Variants in GRAMD1C observed in about 807,000 individuals in gnomAD.
GRAMD1C encodes GRAM domain containing 1C.
A neutral mutation model predicts 97.8 loss-of-function variants in GRAMD1C; 89 were observed. That is an observed-to-expected ratio of 0.91 (90% CI 0.77 to 1.09). The LOEUF is 1.09. Among genes scored for constraint, GRAMD1C ranks in the 50% least tolerant of loss-of-function variants. The pLI, the probability that GRAMD1C is intolerant of heterozygous loss-of-function variation, is 0.00. For missense variants in GRAMD1C, 740 were observed against 766.4 expected, an observed-to-expected ratio of 0.97 and a Z score of 0.41; for synonymous variants, 256 against 267.0, an observed-to-expected ratio of 0.96 and a Z score of 0.40.
chr3:113,829,116 A>G (rs1219894945), intron 1 of GRAMD1C, among the ~76,000 whole-genome samples: 1 of 152,152 alleles, frequency 6.6e-6, no homozygotes, highest in Non-Finnish European at 1.5e-5. Context: ...GACTTAGCGT[A>G]CTTGCCTGGT....
chr3:113,924,005 G>T (rs2107353865), intron 10 of GRAMD1C, among the ~76,000 whole-genome samples: 1 of 151,126 alleles, frequency 6.6e-6, no homozygotes, highest in East Asian at 1.9e-4. Flanking sequence ...GCTCAATCTT[G>T]GGAGGTTTTA....
intron 6 of GRAMD1C, among the ~76,000 whole-genome samples, chr3:113,900,282 C>G (rs1016035609): frequency 2.6e-5 from 4 of 151,338 alleles, no homozygotes; most frequent in Admixed American, 2.6e-4. Flanking sequence ...TCGCTTGAAC[C>G]TGGGAGGTGA....
At chr3:113,937,001 C>T (rs1937590251) in intron 14 of GRAMD1C, 1 of 152,512 alleles carries the variant, frequency 6.6e-6, no homozygotes, top group African/African-American at 2.4e-5. Context: ...GCCCCCATCA[C>T]AATCACCACC....
chr3:113,888,888 C>A (rs898256925), intron 6 of GRAMD1C, among the ~76,000 whole-genome samples: 5 of 152,222 alleles, frequency 3.3e-5, no homozygotes, highest in Admixed American at 2.6e-4. Flanking sequence ...TCCAAATGTC[C>A]ATCAAGTGAT....
At position 113,911,707 on chromosome 3, in the gene GRAMD1C, C is replaced by CCTTCTTTCT. The variant is rs1046929795; in HGVS notation, c.952+2591_952+2592insTTTCTCTTC. Among the ~76,000 whole-genome samples the CCTTCTTTCT allele has an allele frequency of 3.6e-5, 5 of 139,326 alleles. 1 individual carries two copies. The highest frequency in any genetic ancestry group is 5.1e-4 in the South Asian group (2 of 3,922). The allele number at this position is 139,326 out of a possible 152,430, so 91.4% of individuals were successfully genotyped here. ...TCTCTCTCTGTTTCTTTCCTTCCTT[C>CCTTCTTTCT]CTTCCTTCCTTCCTTCCTTCCTTTT... On this transcript the variant is annotated intron_variant, in intron 9 of 17. Transcript: ENST00000358160.
intron 10 of GRAMD1C, chr3:113,919,746 T>C: frequency 1.7e-6 from 1 of 589,036 alleles, no homozygotes; most frequent in Non-Finnish European, 3.2e-6. Context: ...TGTCTACATA[T>C]ATAATTTGAA....
chr3:113,850,842 C>T (rs1467837670), intron 2 of GRAMD1C: 2 of 420,936 alleles, frequency 4.8e-6, no homozygotes, highest in African/African-American at 4.2e-5. Flanking sequence ...TGCTCTGTCA[C>T]CCAGGCAGGA....
intron 10 of GRAMD1C, chr3:113,919,218 G>T: frequency 2.7e-6 from 1 of 371,956 alleles, no homozygotes. Context: ...TGGCCGTGCT[G>T]ACAATGAGTT....
chr3:113,833,226 C>T (rs1709584730), intron 1 of GRAMD1C, among the ~76,000 whole-genome samples: 1 of 151,022 alleles, frequency 6.6e-6, no homozygotes, highest in Non-Finnish European at 1.5e-5. Context: ...CAACCTCTGC[C>T]TCCTGGGTTC....
rs113821615 is a variant in GRAMD1C at position 113,882,677 on chromosome 3, G to A, written c.460-75G>A. On this transcript the variant is annotated intron_variant, in intron 5 of 17. Coordinates refer to ENST00000358160, the MANE Select transcript of GRAMD1C (RefSeq NM_017577.5). ...GTTTGTTTTAACCATAAGCAAGTCC[G>A]CATAGACTTTCATGACAGATAATCT... 2.4e-4 allele frequency: 203 copies of A among 846,636 alleles called. 2 individuals carry two copies. The highest frequency in any genetic ancestry group is 1.5e-3 in the South Asian group (107 of 71,522). The allele number at this position is 846,636 out of a possible 1,614,324, so 52.4% of individuals were successfully genotyped here.
intron 4 of GRAMD1C, 69 bp from the exon 5 acceptor site, chr3:113,876,096 G>GTATT (rs983795972): frequency 2.7e-6 from 2 of 734,290 alleles, no homozygotes; most frequent in Admixed American, 2.2e-5. Context: ...TTAGATTGAT[G>GTATT]GGATACTTGG....
intron 2 of GRAMD1C, among the ~76,000 whole-genome samples, chr3:113,846,967 A>C (rs1933638267): frequency 6.6e-6 from 1 of 151,966 alleles, no homozygotes; most frequent in South Asian, 2.1e-4. Flanking sequence ...AAACAAAAAC[A>C]AAAAAAAGAC....
chr3:113,904,905 G>A (rs2107320799), intron 8 of GRAMD1C, among the ~76,000 whole-genome samples: 1 of 152,266 alleles, frequency 6.6e-6, no homozygotes. Context: ...CATGATCTCG[G>A]CTCACTGCAA....
chr3:113,866,027 A>G (rs1035646388), intron 2 of GRAMD1C, among the ~76,000 whole-genome samples: 1 of 151,604 alleles, frequency 6.6e-6, no homozygotes, highest in African/African-American at 2.4e-5. Flanking sequence ...AGAATGTTCC[A>G]TCCGTGCTTG....
chr3:113,913,204 C>T (rs893915759), intron 9 of GRAMD1C: 1 of 642,684 alleles, frequency 1.6e-6, no homozygotes, highest in Non-Finnish European at 2.5e-6. Context: ...TCTTTCTCAC[C>T]TGCTTCTTTT....
intron 10 of GRAMD1C, chr3:113,919,290 A>C: frequency 6.4e-6 from 3 of 467,210 alleles, no homozygotes; most frequent in Non-Finnish European, 1.3e-5. Flanking sequence ...TGGAGAAGCC[A>C]GGAAAATGAC....
intron 5 of GRAMD1C, among the ~76,000 whole-genome samples, chr3:113,878,545 T>TAATGCATAATGC (rs1935138108): frequency 6.6e-6 from 1 of 152,156 alleles, no homozygotes; most frequent in Non-Finnish European, 1.5e-5. Flanking sequence ...TGCATACACA[T>TAATGCATAATGC]ATATACACTC....
At chr3:113,886,401 G>T (rs1324991240) in intron 6 of GRAMD1C, among the ~76,000 whole-genome samples, 8 of 152,048 alleles carry the variant, frequency 5.3e-5, no homozygotes, top group African/African-American at 1.9e-4. Flanking sequence ...GTTGTGATTC[G>T]ATTTTTTTAA....
rs775100010 is a variant in GRAMD1C, at chr3:113,945,484, T to G, written c.*6T>G. The G allele has an allele frequency of 2.0e-6, 3 of 1,505,736 alleles. No homozygotes were observed. The highest frequency in any genetic ancestry group is 2.7e-5 in the African/African-American group (2 of 72,858). 93.3% of individuals were successfully genotyped at this position (1,505,736 alleles called of 1,614,324 possible). A position where few individuals can be genotyped will look rare whatever the true frequency, so the allele number is the denominator to read the frequency against. ...GCATGGCTGTTGAAAGCTAGTGATC[T>G]GAAGGACTAAAACCGCAGAGATACT... is the stretch of plus-strand genomic sequence containing the variant. On this transcript the variant is annotated 3_prime_UTR_variant, in exon 18 of 18. Transcript: ENST00000358160.
Sources: allele counts gnomAD v4.1 joint callset (sites outside exome capture counted in the v4.1 genomes callset), GRCh38; gene constraint gnomAD v4.1.1; transcripts MANE v1.5; gene names NCBI Gene and HGNC (gene_info 2026-07-23, HGNC 2026-07-21).